MMS22L: variants seen among roughly 807,000 people sequenced by gnomAD.
MMS22L encodes the protein MMS22 like, DNA repair protein, also known as protein MMS22-like.
Under a neutral mutation model 159.1 loss-of-function variants are expected in MMS22L, and 74 were observed. The ratio of observed to expected loss-of-function variants is 0.47; its 90% confidence interval spans 0.39 to 0.56. The LOEUF is 0.56. Ranked by LOEUF, MMS22L falls within the 20% of genes least tolerant of loss-of-function variation. MMS22L has a pLI of 0.00. For synonymous variants in MMS22L, 517 were observed against 506.9 expected, an observed-to-expected ratio of 1.02 and a Z score of -0.27; for missense variants, 1,351 against 1,422.1, an observed-to-expected ratio of 0.95 and a Z score of 0.80.
At chr6:97,253,174 G>A (rs559770599) in intron 10 of MMS22L, among the ~76,000 whole-genome samples, 1 of 152,156 alleles carries the variant, frequency 6.6e-6, no homozygotes, top group Admixed American at 6.5e-5. Context: ...ATCTCCTACA[G>A]GACCTTTTAT....
chr6:97,231,893 C>T (rs1371484526), intron 12 of MMS22L, among the ~76,000 whole-genome samples: 1 of 152,142 alleles, frequency 6.6e-6, no homozygotes. Context: ...AATTAGGATA[C>T]AAACAAGATC....
At chr6:97,169,634 A>G (rs1045727098) in intron 19 of MMS22L, among the ~76,000 whole-genome samples, 1 of 152,206 alleles carries the variant, frequency 6.6e-6, no homozygotes, top group African/African-American at 2.4e-5. Context: ...ACAATAATCA[A>G]TCATAAAGAA....
intron 4 of MMS22L, among the ~76,000 whole-genome samples, chr6:97,275,250 C>A (rs551661028): frequency 6.6e-6 from 1 of 152,130 alleles, no homozygotes; most frequent in African/African-American, 2.4e-5. Context: ...AATTATTGGC[C>A]GGGCATGGTG....
chr6:97,236,756 C>G (rs574136543), intron 11 of MMS22L, among the ~76,000 whole-genome samples: 1 of 152,142 alleles, frequency 6.6e-6, no homozygotes, highest in Admixed American at 6.5e-5. Context: ...TCGAGACCAT[C>G]CTGGCTAACA....
At chr6:97,254,446 C>A (rs762662975) in intron 10 of MMS22L, 111 bp downstream of exon 10, 2 of 756,026 alleles carry the variant, frequency 2.6e-6, no homozygotes, top group East Asian at 5.5e-5. Flanking sequence ...TAATTTATCT[C>A]TGTGATTGTA....
intron 8 of MMS22L, chr6:97,266,290 C>G (rs1815111247): frequency 6.6e-6 from 1 of 152,082 alleles, no homozygotes; most frequent in Admixed American, 6.5e-5. Context: ...ATAGAACTAC[C>G]ACATGATCCA....
At chr6:97,225,329 C>T (rs1810107333) in intron 14 of MMS22L, among the ~76,000 whole-genome samples, 1 of 151,878 alleles carries the variant, frequency 6.6e-6, no homozygotes, top group African/African-American at 2.4e-5. Context: ...TATTACCAAG[C>T]TTCAACTGAC....
chr6:97,156,215 T>G (rs1451788914), intron 22 of MMS22L, among the ~76,000 whole-genome samples: 1 of 152,240 alleles, frequency 6.6e-6, no homozygotes, highest in Non-Finnish European at 1.5e-5. Flanking sequence ...TCTTTGTAGA[T>G]TCTGGATATT....
At chr6:97,229,882 A>G (rs1392622188) in intron 13 of MMS22L, among the ~76,000 whole-genome samples, 1 of 152,216 alleles carries the variant, frequency 6.6e-6, no homozygotes, top group East Asian at 1.9e-4. Context: ...ATACCTTAAG[A>G]CAATGCAAGG....
intron 4 of MMS22L, among the ~76,000 whole-genome samples, chr6:97,273,510 T>C (rs1199138963): frequency 6.6e-6 from 1 of 152,202 alleles, no homozygotes; most frequent in Non-Finnish European, 1.5e-5. Flanking sequence ...TAAATGATAA[T>C]GACTCTAAAA....
At chr6:97,263,228 T>C in intron 9 of MMS22L, 107 bp downstream of exon 9, 1 of 682,852 alleles carries the variant, frequency 1.5e-6, no homozygotes, top group Non-Finnish European at 2.5e-6. Flanking sequence ...TGGTTATTAT[T>C]GCCTTATTAT....
At chr6:97,258,436 T>C (rs543874198) in intron 9 of MMS22L, among the ~76,000 whole-genome samples, 2 of 152,332 alleles carry the variant, frequency 1.3e-5, no homozygotes, top group African/African-American at 2.4e-5. Flanking sequence ...ATAGCTGCAA[T>C]GTGTATATTG....
intron 22 of MMS22L, among the ~76,000 whole-genome samples, chr6:97,153,521 G>A (rs988915771): frequency 6.6e-5 from 10 of 151,808 alleles, no homozygotes; most frequent in Non-Finnish European, 1.2e-4. Context: ...ACAAGTGCAT[G>A]CCACCACGCC....
intron 20 of MMS22L, 147 bp from the exon 21 acceptor site, chr6:97,165,604 T>A (rs937500870): frequency 2.2e-5 from 15 of 694,840 alleles, no homozygotes; most frequent in Non-Finnish European, 3.3e-5. Context: ...CCACAGATAA[T>A]GTACATACGA....
rs1216488033 is a variant in MMS22L, at chr6:97,233,998, G to A, written c.1183-18C>T. The A allele has an allele frequency of 1.2e-6, 2 of 1,602,428 alleles. No homozygotes were observed. The highest frequency in any genetic ancestry group is 1.7e-6 in the Non-Finnish European group (2 of 1,175,204). On this transcript the variant is annotated intron_variant, in intron 11 of 24. Coordinates refer to ENST00000683635, the MANE Select transcript of MMS22L (RefSeq NM_001350599.2). ...ATGACACCCTAAAAAATAAACTGAA[G>A]TTATGAGAAGGTAAATGGGCTCTGG... is the stretch of plus-strand genomic sequence containing the variant.
intron 7 of MMS22L, among the ~76,000 whole-genome samples, chr6:97,269,305 A>G (rs1007684217): frequency 1.3e-5 from 2 of 152,122 alleles, no homozygotes; most frequent in African/African-American, 4.8e-5. Context: ...CACTACAGTT[A>G]ATGCCTATAT....
chr6:97,192,510 T>C (rs543979990), intron 14 of MMS22L, among the ~76,000 whole-genome samples: 5 of 152,290 alleles, frequency 3.3e-5, no homozygotes, highest in African/African-American at 1.2e-4. Flanking sequence ...AAATACTTTG[T>C]AGACAAGGCA....
chr6:97,256,587 AATAAGG>A (rs1813833142), intron 9 of MMS22L, among the ~76,000 whole-genome samples: 1 of 152,198 alleles, frequency 6.6e-6, no homozygotes, highest in South Asian at 2.1e-4. Context: ...GTTTTGATAC[AATAAGG>A]ATATCATTCC....
At chr6:97,175,300 T>G (rs1250631681) in intron 18 of MMS22L, among the ~76,000 whole-genome samples, 1 of 152,212 alleles carries the variant, frequency 6.6e-6, no homozygotes, top group African/African-American at 2.4e-5. Flanking sequence ...TATCTGCTCC[T>G]GTATGATTTA....
Sources: allele counts gnomAD v4.1 joint callset (sites outside exome capture counted in the v4.1 genomes callset), GRCh38; gene constraint gnomAD v4.1.1; transcripts MANE v1.5; gene names NCBI Gene and HGNC (gene_info 2026-07-23, HGNC 2026-07-21).